KIAA0319: variants seen among roughly 807,000 people sequenced by gnomAD.
KIAA0319 encodes the protein dyslexia-associated protein KIAA0319.
KIAA0319 carries 83 observed loss-of-function variants against 108.4 expected under a neutral mutation model. The observed-to-expected ratio is 0.77, with a 90% CI of 0.64 to 0.92. The LOEUF is 0.92. KIAA0319 is among the 40% of genes least tolerant of loss of function. The pLI is 0.00. For missense variants in KIAA0319, 1,195 were observed against 1,322.4 expected (o/e 0.90, Z 1.49); for synonymous variants, 484 against 510.4 (o/e 0.95, Z 0.70).
downstream of KIAA0319, among the ~76,000 whole-genome samples, chr6:24,541,744 G>A (rs1760200806): frequency 1.3e-5 from 2 of 152,218 alleles, no homozygotes; most frequent in Non-Finnish European, 1.5e-5. Flanking sequence ...GTTGCAGTGA[G>A]CCAAGATCAT....
At chr6:24,619,519 C>A (rs754259264) in intron 1 of KIAA0319, among the ~76,000 whole-genome samples, 2 of 151,998 alleles carry the variant, frequency 1.3e-5, no homozygotes, top group South Asian at 4.2e-4. Flanking sequence ...GCTGAATAGG[C>A]CACAGGATAA....
At chr6:24,626,948 A>G (rs892067317) in intron 1 of KIAA0319, among the ~76,000 whole-genome samples, 1 of 152,224 alleles carries the variant, frequency 6.6e-6, no homozygotes, top group Admixed American at 6.5e-5. Flanking sequence ...AGAAATGGCA[A>G]GTTAAGACCT....
At chr6:24,643,011 C>T (rs776477016) in intron 1 of KIAA0319, among the ~76,000 whole-genome samples, 2 of 152,140 alleles carry the variant, frequency 1.3e-5, no homozygotes, top group Non-Finnish European at 2.9e-5. Flanking sequence ...TTCCCAGCCT[C>T]CTTTGCTTTT....
chr6:24,636,803 CT>C (rs1031611988), intron 1 of KIAA0319, among the ~76,000 whole-genome samples: 26 of 149,082 alleles, frequency 1.7e-4, no homozygotes, highest in Middle Eastern at 3.4e-3. Context: ...AATTTTTTTT[CT>C]TTTTTTTTTC....
At chr6:24,582,405 G>C in intron 5 of KIAA0319, 59 bp from the exon 6 acceptor site, 1 of 1,006,920 alleles carries the variant, frequency 9.9e-7, no homozygotes, top group Non-Finnish European at 1.6e-6. Context: ...TAGATAACCT[G>C]GGCAGAGGGA....
In KIAA0319 at chr6:24,564,245, C is replaced by A; in HGVS notation, c.2388G>T (p.Gln796His). 6.2e-7 allele frequency: 1 copy of A among 1,614,106 alleles called. No individual in the cohort carries two copies. Among genetic ancestry groups the A allele is most frequent in the Non-Finnish European group, 8.5e-7 (1 of 1,180,002 alleles). ...TGGCAGTGTCTGTGTCCGAGGCCCC[C>A]TGACTGTCGGTGACTCGCAAGTGGA... ...YTFHLRVTDS[Q>H]GASDTDTATV... is the part of the protein sequence containing the mutation. The change falls in exon 15 of 21, where the codon CAG becomes CAT. Residue 796 changes from glutamine to histidine, a missense_variant. Gln to His is a conservative substitution (Grantham distance 24, BLOSUM62 0). Coordinates refer to ENST00000378214, the MANE Select transcript of KIAA0319 (RefSeq NM_014809.4).
intron 3 of KIAA0319, among the ~76,000 whole-genome samples, chr6:24,589,885 G>A (rs1003257763): frequency 4.2e-5 from 6 of 142,220 alleles, no homozygotes; most frequent in Non-Finnish European, 9.3e-5. Flanking sequence ...TAAAGTTACA[G>A]AGTTAGCCAA....
At chr6:24,609,249 C>G (rs1376445822) in intron 1 of KIAA0319, among the ~76,000 whole-genome samples, 1 of 119,584 alleles carries the variant, frequency 8.4e-6, no homozygotes, top group East Asian at 2.3e-4. Context: ...GCCTGGGTGA[C>G]AGAGCCAGAC....
rs1465275385 is a variant in KIAA0319 at position 24,551,523 on chromosome 6, T to C, written c.2951A>G (p.Gln984Arg). ...TWLCICCCKR[Q>R]KRTKIRKKTK... is the part of the protein sequence containing the mutation. ...TTTTTTCCTGATTTTAGTCCTTTTT[T>C]GTCTGAAAGGAACAATGAAAAGCTC... Residue 984 changes from glutamine to arginine, a missense_variant and splice_region_variant, in exon 20 of 21, where the codon CAA becomes CGA. Transcript: ENST00000378214. 6.3e-7 allele frequency: 1 copy of C among 1,588,010 alleles called. No homozygotes were observed. The highest frequency in any genetic ancestry group is 8.6e-7 in the Non-Finnish European group (1 of 1,156,096).
At chr6:24,553,866 C>T (rs563549838) in intron 19 of KIAA0319, among the ~76,000 whole-genome samples, 71 of 152,338 alleles carry the variant, frequency 4.7e-4, no homozygotes, top group African/African-American at 1.7e-3. Flanking sequence ...AGCTCTAGGC[C>T]CCTTCCCCAT....
At chr6:24,559,902 T>C (rs184596168) in intron 16 of KIAA0319, among the ~76,000 whole-genome samples, 1 of 152,350 alleles carries the variant, frequency 6.6e-6, no homozygotes, top group Admixed American at 6.5e-5. Context: ...AATCTGCTTT[T>C]GGTCTCTATG....
intron 20 of KIAA0319, among the ~76,000 whole-genome samples, chr6:24,551,140 G>A (rs866952872): frequency 8.2e-5 from 11 of 133,918 alleles, no homozygotes; most frequent in South Asian, 4.7e-4. Context: ...CACCACGCCC[G>A]GCTAATTTTT....
At chr6:24,600,937 T>C in intron 2 of KIAA0319, 112 bp downstream of exon 2, 1 of 1,384,896 alleles carries the variant, frequency 7.2e-7, no homozygotes, top group Non-Finnish European at 1.0e-6. Context: ...TGTAAAATAA[T>C]TCTATTGAAA....
intron 15 of KIAA0319, among the ~76,000 whole-genome samples, chr6:24,563,757 A>T (rs1007295797): frequency 2.0e-5 from 3 of 152,184 alleles, no homozygotes; most frequent in African/African-American, 7.2e-5. Context: ...GGTGTACCTA[A>T]TTAGCCTCTG....
chr6:24,620,066 T>G (rs1220687132), intron 1 of KIAA0319, among the ~76,000 whole-genome samples: 2 of 152,270 alleles, frequency 1.3e-5, no homozygotes, highest in African/African-American at 4.8e-5. Context: ...GTTAGCAATT[T>G]ATTTTCAATA....
chr6:24,556,120 G>T (rs1762252692), intron 18 of KIAA0319, among the ~76,000 whole-genome samples: 1 of 151,978 alleles, frequency 6.6e-6, no homozygotes, highest in African/African-American at 2.4e-5. Context: ...TAGGCAGATA[G>T]TTCTCTTTTT....
At chr6:24,585,151 C>A (rs1363822855) in intron 4 of KIAA0319, among the ~76,000 whole-genome samples, 3 of 152,140 alleles carry the variant, frequency 2.0e-5, no homozygotes, top group South Asian at 4.1e-4. Context: ...ACACATGGAG[C>A]TTTGATACGT....
Position 24,582,257 on chromosome 6 carries a change from G to A in KIAA0319, c.1183C>T (p.Leu395Phe), listed in dbSNP as rs1479937717. 2 of 1,580,864 alleles carry A rather than the reference G, an allele frequency of 1.3e-6. No individual in the cohort carries two copies. The highest frequency in any genetic ancestry group is 1.7e-5 in the Admixed American group (1 of 59,944). ...AGTCTCCAGTTACTTACTTGAGAGA[G>A]GTTAAGAGTTTGCTTGTGTCCTTGT... Reference protein sequence around the residue: ...IKQGHKQTLNLSQLSVGLYVF... With the variant: ...IKQGHKQTLNFSQLSVGLYVF... The change falls in exon 6 of 21, where the codon CTC becomes TTC. Residue 395 changes from leucine to phenylalanine, a missense_variant. Leu to Phe is a conservative substitution (Grantham distance 22). Transcript: ENST00000378214.
At position 24,596,019 on chromosome 6, in the gene KIAA0319, T is replaced by A; in HGVS notation, c.655A>T (p.Asn219Tyr). The A allele has an allele frequency of 1.9e-6, 3 of 1,614,146 alleles. No homozygotes were observed. The highest frequency in any genetic ancestry group is 2.5e-6 in the Non-Finnish European group (3 of 1,180,016). ...TQQDPELHYL[N>Y]ESASTPAPKL... is the part of the protein sequence containing the mutation. Reference sequence around the variant, plus strand: ...GGGGCAGGGGTTGAAGCCGACTCATTCAGGTAATGGAGCTCAGGGTCCTGC... The same window carrying A: ...GGGGCAGGGGTTGAAGCCGACTCATACAGGTAATGGAGCTCAGGGTCCTGC... The change falls in exon 3 of 21, where the codon AAT becomes TAT. Residue 219 changes from asparagine (N) to tyrosine (Y), a missense_variant. Physicochemically the swap from Asn to Tyr is moderately radical, Grantham distance 143 (BLOSUM62 -2). Transcript: ENST00000378214.
Sources: allele counts gnomAD v4.1 joint callset (sites outside exome capture counted in the v4.1 genomes callset), GRCh38; gene constraint gnomAD v4.1.1; transcripts MANE v1.5; gene names NCBI Gene and HGNC (gene_info 2026-07-23, HGNC 2026-07-21).